KIT: variants seen among roughly 807,000 people sequenced by gnomAD.
The protein encoded by KIT is KIT proto-oncogene, receptor tyrosine kinase.
In KIT, 16 loss-of-function variants were observed where a neutral mutation model predicts 105.7. That is an observed-to-expected ratio of 0.15 (90% CI 0.10 to 0.23). The LOEUF is 0.23. KIT is among the 10% of genes least tolerant of loss of function. The pLI, the probability that KIT is intolerant of heterozygous loss-of-function variation, is 1.00. For synonymous variants in KIT, 438 were observed against 441.1 expected (o/e 0.99, Z 0.09); for missense variants, 858 against 1,213.8 (o/e 0.71, Z 4.36).
At chr4:54,674,376 C>A (rs1718322147) in intron 1 of KIT, among the ~76,000 whole-genome samples, 2 of 152,204 alleles carry the variant, frequency 1.3e-5, no homozygotes, top group African/African-American at 4.8e-5. Context: ...TGTCTACTCT[C>A]AGGATGACCC....
At chr4:54,671,834 T>C (rs1377513807) in intron 1 of KIT, among the ~76,000 whole-genome samples, 1 of 152,166 alleles carries the variant, frequency 6.6e-6, no homozygotes, top group Admixed American at 6.5e-5. Context: ...CATATAACCA[T>C]CTAGCTTCAA....
At chr4:54,728,191 T>C in intron 13 of KIT, 70 bp downstream of exon 13, 1 of 1,153,036 alleles carries the variant, frequency 8.7e-7, no homozygotes, top group Non-Finnish European at 1.3e-6. Flanking sequence ...AATATGATTT[T>C]GGCAATGCTA....
chr4:54,679,878 G>T (rs1718778069), intron 1 of KIT, among the ~76,000 whole-genome samples: 1 of 152,184 alleles, frequency 6.6e-6, no homozygotes, highest in African/African-American at 2.4e-5. Flanking sequence ...GATGAACCTT[G>T]CAGACCTTAT....
intron 4 of KIT, among the ~76,000 whole-genome samples, chr4:54,702,109 G>A (rs1462495883): frequency 6.6e-6 from 1 of 152,094 alleles, no homozygotes; most frequent in Non-Finnish European, 1.5e-5. Flanking sequence ...TTCAGCTTCA[G>A]CAGTCAACTT....
intron 5 of KIT, among the ~76,000 whole-genome samples, chr4:54,706,380 T>C (rs1414883127): frequency 1.3e-5 from 2 of 152,142 alleles, no homozygotes; most frequent in African/African-American, 4.8e-5. Flanking sequence ...TGATGTCTTA[T>C]TTTAATTACT....
intron 1 of KIT, among the ~76,000 whole-genome samples, chr4:54,672,323 G>C (rs1161021390): frequency 6.6e-6 from 1 of 151,512 alleles, no homozygotes; most frequent in East Asian, 1.9e-4. Flanking sequence ...TTTAATGAGG[G>C]TACTGTGTAA....
intron 4 of KIT, 102 bp downstream of exon 4, chr4:54,699,868 CTGTCAGAGGTGGAT>C: frequency 7.9e-7 from 1 of 1,269,226 alleles, no homozygotes; most frequent in South Asian, 1.2e-5. Context: ...ACTAGTGCGT[CTGTCAGAGGTGGAT>C]TGTCTGGGAG....
Position 54,707,094 on chromosome 4 carries a change from T to C in KIT, c.926-4T>C, listed in dbSNP as rs748184322. 2.7e-6 allele frequency: 4 copies of C among 1,454,666 alleles called. No homozygotes were observed. Among genetic ancestry groups the C allele is most frequent in the South Asian group, 1.1e-5 (1 of 87,372 alleles). 90.1% of individuals were successfully genotyped at this position (1,454,666 alleles called of 1,614,324 possible). On this transcript the variant is annotated splice_region_variant and splice_polypyrimidine_tract_variant and intron_variant, in intron 5 of 20. Transcript: ENST00000288135. The stretch of plus-strand genomic sequence containing the variant: ...TTCTTTCTGTCTTATTTCATTCTAA[T>C]TAGATAAAGGATTCATTAATATCTT...
At chr4:54,692,802 G>A (rs111242939) in intron 1 of KIT, among the ~76,000 whole-genome samples, 49 of 152,240 alleles carry the variant, frequency 3.2e-4, no homozygotes, top group African/African-American at 2.6e-4. Flanking sequence ...CCTTTATGAC[G>A]TTGTTGCTGC....
intron 1 of KIT, among the ~76,000 whole-genome samples, chr4:54,680,684 T>C (rs1472709240): frequency 6.6e-6 from 1 of 152,112 alleles, no homozygotes; most frequent in Non-Finnish European, 1.5e-5. Flanking sequence ...TGAGCCACCG[T>C]GCCGGCCTTA....
chr4:54,658,398 G>T (rs1336130977), intron 1 of KIT, among the ~76,000 whole-genome samples: 1 of 152,138 alleles, frequency 6.6e-6, no homozygotes, highest in African/African-American at 2.4e-5. Context: ...TTGTGCCGAC[G>T]TTGCGCGGGG....
At chr4:54,696,511 G>C (rs192014856) in intron 2 of KIT, among the ~76,000 whole-genome samples, 5 of 152,304 alleles carry the variant, frequency 3.3e-5, no homozygotes, top group Admixed American at 3.3e-4. Flanking sequence ...CTATTTTCTA[G>C]TTCTGGGTGC....
chr4:54,658,923 T>G (rs1717025363), intron 1 of KIT, among the ~76,000 whole-genome samples: 1 of 152,082 alleles, frequency 6.6e-6, no homozygotes. Context: ...CTGGAGGCTG[T>G]GTTTGCCGCC....
At chr4:54,690,205 T>C (rs1719608987) in intron 1 of KIT, among the ~76,000 whole-genome samples, 1 of 152,118 alleles carries the variant, frequency 6.6e-6, no homozygotes, top group Non-Finnish European at 1.5e-5. Flanking sequence ...GCTGGGAACA[T>C]TGGTGTACAA....
At chr4:54,681,407 A>G (rs772661387) in intron 1 of KIT, among the ~76,000 whole-genome samples, 3 of 152,116 alleles carry the variant, frequency 2.0e-5, no homozygotes, top group Non-Finnish European at 4.4e-5. Flanking sequence ...TCCAGACCTT[A>G]TCCAACTCCC....
rs929276403 is a variant in KIT, at chr4:54,695,799, T to C, written c.337+18T>C. On this transcript the variant is annotated intron_variant, in intron 2 of 20. Coordinates refer to ENST00000288135, the MANE Select transcript of KIT (RefSeq NM_000222.3). ...TGTTAGAGGTAAATGCTTGGCTTTCTGCAGTGCTGTGCTTTCAAGAATTTA... is the reference window on the plus strand; with the variant it reads ...TGTTAGAGGTAAATGCTTGGCTTTCCGCAGTGCTGTGCTTTCAAGAATTTA... The C allele has an allele frequency of 6.2e-7, 1 of 1,614,012 alleles. No individual in the cohort carries two copies. Among genetic ancestry groups the C allele is most frequent in the Non-Finnish European group, 8.5e-7 (1 of 1,179,946 alleles).
rs1393581394 is a variant in KIT, at chr4:54,658,073, T to G, written c.59T>G (p.Val20Gly). The G allele has an allele frequency of 6.2e-7, 1 of 1,613,676 alleles. No individual in the cohort carries two copies. Among genetic ancestry groups the G allele is most frequent in the African/African-American group, 1.3e-5 (1 of 74,872 alleles). The change falls in exon 1 of 21, where the codon GTC becomes GGC. Residue 20 changes from valine to glycine, a missense_variant. By Grantham distance (109) the Val-to-Gly change is moderately radical (BLOSUM62 -3). Around this residue, in one of 7 missense-constraint regions of KIT, gnomAD observed 46 missense variants for 38.8 expected, o/e 1.19. Transcript: ENST00000288135. ...FLCVLLLLLR[V>G]QTGSSQPSVS... ...TGCGTTCTGCTCCTACTGCTTCGCG[T>G]CCAGACAGGTGGGACACCGCGGCTG...
rs1553888773 is a variant in KIT at position 54,707,141 on chromosome 4, A to G, written c.969A>G (p.Val323=). 1 of 1,576,322 alleles carries G rather than the reference A, an allele frequency of 6.3e-7. No individual in the cohort carries two copies. The highest frequency in any genetic ancestry group is 8.7e-7 in the Non-Finnish European group (1 of 1,145,764). ...TCTTCCCCATGATAAACACTACAGT[A>G]TTTGTAAACGATGGAGAAAATGTAG... ...INIFPMINTT[V]FVNDGENVDL... Residue 323 remains valine, a synonymous_variant, in exon 6 of 21, where the codon GTA becomes GTG. Transcript: ENST00000288135.
At chr4:54,729,306 C>G (rs1330088912) in intron 13 of KIT, 29 bp from the exon 14 acceptor site, 1 of 1,611,660 alleles carries the variant, frequency 6.2e-7, no homozygotes, top group African/African-American at 1.3e-5. Context: ...ATCTCACCTT[C>G]TTTCTAACCT....
Sources: gnomAD v4.1 joint callset for allele counts (sites outside exome capture counted in the v4.1 genomes callset) on GRCh38, gnomAD v4.1.1 for gene constraint, gnomAD v4.1.1 regional missense constraint, MANE v1.5 for transcripts, NCBI Gene and HGNC (gene_info 2026-07-23, HGNC 2026-07-21) for gene names.